NFIC: variants seen among roughly 807,000 people sequenced by gnomAD.
NFIC encodes nuclear factor I C, also known as nuclear factor 1 C-type.
NFIC carries 12 observed loss-of-function variants against 54.4 expected under a neutral mutation model. The ratio of observed to expected loss-of-function variants is 0.22; its 90% confidence interval spans 0.14 to 0.36. NFIC has a LOEUF of 0.36. NFIC is among the 10% of genes least tolerant of loss of function. The pLI is 1.00. For missense variants in NFIC, 575 were observed against 718.2 expected, an observed-to-expected ratio of 0.80 and a Z score of 2.28; for synonymous variants, 322 against 319.2, an observed-to-expected ratio of 1.01 and a Z score of -0.09.
chr19:3,385,291 C>T (rs1246982661), intron 2 of NFIC, among the ~76,000 whole-genome samples: 1 of 151,614 alleles, frequency 6.6e-6, no homozygotes, highest in African/African-American at 2.4e-5. Flanking sequence ...CCCAGCTCAG[C>T]TGCCCACTGG....
chr19:3,451,827 A>AG (rs2082467927), intron 7 of NFIC, among the ~76,000 whole-genome samples: 1 of 149,056 alleles, frequency 6.7e-6, no homozygotes, highest in Admixed American at 6.7e-5. Context: ...AAAAAAAAAA[A>AG]AAGACGGGGC....
chr19:3,413,561 C>T (rs756881844), intron 2 of NFIC, among the ~76,000 whole-genome samples: 3 of 152,056 alleles, frequency 2.0e-5, no homozygotes, highest in Admixed American at 6.6e-5. Context: ...GTGTCTGCTG[C>T]AGAGGAGTTA....
intron 2 of NFIC, among the ~76,000 whole-genome samples, chr19:3,408,709 C>G (rs2081698327): frequency 6.6e-6 from 1 of 152,198 alleles, no homozygotes; most frequent in Non-Finnish European, 1.5e-5. Context: ...TCAAGCAGTT[C>G]TCCTGCCTCA....
intron 2 of NFIC, among the ~76,000 whole-genome samples, chr19:3,413,697 T>C (rs1215143560): frequency 2.0e-5 from 3 of 152,112 alleles, no homozygotes; most frequent in African/African-American, 7.2e-5. Flanking sequence ...TGGAGTACAA[T>C]GGCGCGATCT....
intron 3 of NFIC, among the ~76,000 whole-genome samples, chr19:3,425,404 AG>A (rs2082012256): frequency 6.6e-6 from 1 of 152,122 alleles, no homozygotes; most frequent in Non-Finnish European, 1.5e-5. Flanking sequence ...GAGACCCCAG[AG>A]GGTTCTACGG....
chr19:3,437,959 G>A (rs1437558528), intron 6 of NFIC, among the ~76,000 whole-genome samples: 2 of 152,056 alleles, frequency 1.3e-5, no homozygotes, highest in African/African-American at 2.4e-5. Flanking sequence ...GCCTCCCAAA[G>A]TGCTGGCATT....
chr19:3,404,345 C>T (rs1482071794), intron 2 of NFIC, among the ~76,000 whole-genome samples: 1 of 152,098 alleles, frequency 6.6e-6, no homozygotes, highest in Admixed American at 6.5e-5. Context: ...TGAGGGTGTG[C>T]GTGCGGGTAT....
intron 6 of NFIC, among the ~76,000 whole-genome samples, chr19:3,438,778 T>C (rs1311679317): frequency 6.6e-6 from 1 of 152,132 alleles, no homozygotes; most frequent in African/African-American, 2.4e-5. Flanking sequence ...CCCTCCTGTG[T>C]GCTGGCCCTA....
At chr19:3,435,352 C>G (rs992143729) in intron 6 of NFIC, 145 bp downstream of exon 6, 8 of 1,224,142 alleles carry the variant, frequency 6.5e-6, no homozygotes, top group South Asian at 3.3e-5. Context: ...GTAGTCGTCC[C>G]GAGCTGCGCT....
At chr19:3,449,555 T>C (rs1440600131) in intron 7 of NFIC, among the ~76,000 whole-genome samples, 1 of 150,136 alleles carries the variant, frequency 6.7e-6, no homozygotes, top group Admixed American at 6.6e-5. Context: ...AGGTCAGGAG[T>C]TTGAGACCAG....
At position 3,463,817 on chromosome 19, in the gene NFIC, G is replaced by A. The variant is rs1431517534; in HGVS notation, c.*1048G>A. The stretch of plus-strand genomic sequence containing the variant: ...CCCCCGTCAGCCCCTGGCGGTGGGA[G>A]GTGAGAGCGAGTGGTTTAAGTGCCT... On this transcript the variant is annotated 3_prime_UTR_variant, in exon 11 of 11. Transcript: ENST00000443272. 1.0e-6 allele frequency: 1 copy of A among 985,218 alleles called. No individual in the cohort carries two copies. The highest frequency in any genetic ancestry group is 1.2e-6 in the Non-Finnish European group (1 of 829,858). The allele number at this position is 985,218 out of a possible 1,614,324, so 61.0% of individuals were successfully genotyped here. A position where few individuals can be genotyped will look rare whatever the true frequency, so the allele number is the denominator to read the frequency against.
At chr19:3,372,013 C>CTCTCTCTCTCTT (rs2081028799) in intron 1 of NFIC, among the ~76,000 whole-genome samples, 3 of 127,868 alleles carry the variant, frequency 2.3e-5, no homozygotes, top group Admixed American at 7.9e-5. Context: ...CTCTCTCTCT[C>CTCTCTCTCTCTT]TCTCTCTCTC....
At chr19:3,457,101 G>A (rs1301014420) in intron 10 of NFIC, among the ~76,000 whole-genome samples, 2 of 152,156 alleles carry the variant, frequency 1.3e-5, no homozygotes, top group Non-Finnish European at 1.5e-5. Context: ...ATGGCGGGGC[G>A]TGGGGCCTCC....
In NFIC at chr19:3,451,609, T is replaced by C. The variant is rs548954666; in HGVS notation, c.1085-873T>C. ...TCATGCCCCTGCACTCCAGCCTGGGTGACAAAGCGAGATTCTATCTCTTAA... is the reference window on the plus strand; with the variant it reads ...TCATGCCCCTGCACTCCAGCCTGGGCGACAAAGCGAGATTCTATCTCTTAA... On this transcript the variant is annotated intron_variant, in intron 7 of 10. Transcript: ENST00000443272. Among the ~76,000 whole-genome samples the C allele has an allele frequency of 8.5e-3, 1,251 of 147,338 alleles. 22 individuals carry two copies. The highest frequency in any genetic ancestry group is 0.03 in the African/African-American group (1,182 of 39,240).
chr19:3,414,320 G>C lies in NFIC; in HGVS notation c.563-10786G>C, dbSNP rs528827958. Among the ~76,000 whole-genome samples, 652 of 152,234 alleles carry C rather than the reference G, an allele frequency of 4.3e-3. 2 individuals carry two copies. Among genetic ancestry groups the C allele is most frequent in the Non-Finnish European group, 6.6e-3 (450 of 68,028 alleles). On this transcript the variant is annotated intron_variant, in intron 2 of 10. Coordinates refer to ENST00000443272, the MANE Select transcript of NFIC (RefSeq NM_001245002.2). Reference sequence around the variant, plus strand: ...CTTTAAAAATGGAAAAGACAGGCCGGGCGCGGTGGCTCACGATTGTAATCC... The same window carrying C: ...CTTTAAAAATGGAAAAGACAGGCCGCGCGCGGTGGCTCACGATTGTAATCC...
At chr19:3,446,152 C>T (rs1432956712) in intron 6 of NFIC, among the ~76,000 whole-genome samples, 1 of 152,242 alleles carries the variant, frequency 6.6e-6, no homozygotes, top group Non-Finnish European at 1.5e-5. Context: ...CCTGACAGGG[C>T]AGACGGTAGA....
intron 1 of NFIC, among the ~76,000 whole-genome samples, chr19:3,360,795 G>T (rs375398956): frequency 6.6e-6 from 1 of 152,218 alleles, no homozygotes; most frequent in Non-Finnish European, 1.5e-5. Flanking sequence ...GCGGAGCCGC[G>T]TGTCCCTGGG....
intron 1 of NFIC, among the ~76,000 whole-genome samples, chr19:3,368,911 C>CTGTGTGTGTGTGTG (rs1568396987): frequency 3.3e-5 from 3 of 92,232 alleles, no homozygotes; most frequent in African/African-American, 1.4e-4. Flanking sequence ...CTTGCTCTGA[C>CTGTGTGTGTGTGTG]TCTGTGTGTG....
At position 3,408,873 on chromosome 19, in the gene NFIC, C is replaced by T. The variant is rs185164038; in HGVS notation, c.563-16233C>T. On this transcript the variant is annotated intron_variant, in intron 2 of 10. Transcript: ENST00000443272. The stretch of plus-strand genomic sequence containing the variant: ...TGCTGGGATTATAGGCGTGAGCCAC[C>T]GCCCCTGGCTGACACCCGGCTAATT... 6.7e-3 allele frequency among the ~76,000 whole-genome samples: 1,021 copies of T among 152,100 alleles called. 4 individuals are homozygous for T. Among genetic ancestry groups the T allele is most frequent in the Non-Finnish European group, 0.011 (754 of 67,978 alleles).
Sources: gnomAD v4.1 joint callset for allele counts (sites outside exome capture counted in the v4.1 genomes callset) on GRCh38, gnomAD v4.1.1 for gene constraint, MANE v1.5 for transcripts, NCBI Gene and HGNC (gene_info 2026-07-23, HGNC 2026-07-21) for gene names.